Variants in RASGRP4 observed in about 807,000 individuals in gnomAD.
The protein encoded by RASGRP4 is RAS guanyl releasing protein 4.
Under a neutral mutation model 84.4 loss-of-function variants are expected in RASGRP4, and 52 were observed. That is an observed-to-expected ratio of 0.62 (90% CI 0.49 to 0.78). The LOEUF (loss-of-function observed/expected upper bound fraction) is 0.78. Among genes scored for constraint, RASGRP4 ranks in the 30% least tolerant of loss-of-function variants. The pLI is 0.00. For synonymous variants in RASGRP4, 356 were observed against 359.1 expected, an observed-to-expected ratio of 0.99 and a Z score of 0.10; for missense variants, 760 against 886.9, an observed-to-expected ratio of 0.86 and a Z score of 1.82.
At position 38,418,999 on chromosome 19, in the gene RASGRP4, A is replaced by T. The variant is rs12609246; in HGVS notation, c.664-435T>A. ...GGCTGGGGAAGATGAATTGAAATCA[A>T]CCTCTATCTGTTCTGCCCAAGGAGT... On this transcript the variant is annotated intron_variant, in intron 6 of 16. Coordinates refer to ENST00000615439, the MANE Select transcript of RASGRP4 (RefSeq NM_170604.3). The surrounding 1 kb of genome is among the most constrained non-coding windows in gnomAD (Gnocchi z 4.6). Among the ~76,000 whole-genome samples, 3 of 151,724 alleles carry T rather than the reference A, an allele frequency of 2.0e-5. No individual in the cohort carries two copies. Among genetic ancestry groups the T allele is most frequent in the African/African-American group, 7.3e-5 (3 of 41,274 alleles).
chr19:38,422,221 A>T, intron 1 of RASGRP4, 68 bp from the exon 2 acceptor site: 1 of 1,435,054 alleles, frequency 7.0e-7, no homozygotes. Flanking sequence ...ATTCCTTTTG[A>T]CTCTAATGCC....
rs1420624573 is a variant in RASGRP4, at chr19:38,412,350, G to A, written c.1680+322C>T. 9.4e-6 allele frequency: 3 copies of A among 318,224 alleles called. No individual in the cohort carries two copies. Among genetic ancestry groups the A allele is most frequent in the Non-Finnish European group, 1.8e-5 (3 of 169,394 alleles). 19.7% of individuals were successfully genotyped at this position (318,224 alleles called of 1,614,324 possible). A position where few individuals can be genotyped will look rare whatever the true frequency, so the allele number is the denominator to read the frequency against. On this transcript the variant is annotated intron_variant, in intron 13 of 16. Coordinates refer to ENST00000615439, the MANE Select transcript of RASGRP4 (RefSeq NM_170604.3). The surrounding 1 kb of genome is among the most constrained non-coding windows in gnomAD (Gnocchi z 4.6). Reference sequence around the variant, plus strand: ...TTCCCTAGGCTGGTCTTGAACTCTTGAGCTCAAGCAATCCGCCCACCTCAG... The same window carrying A: ...TTCCCTAGGCTGGTCTTGAACTCTTAAGCTCAAGCAATCCGCCCACCTCAG...
intron 4 of RASGRP4, among the ~76,000 whole-genome samples, chr19:38,420,637 G>A (rs77623627): frequency 0.014 from 2,171 of 150,960 alleles, 44 homozygotes; most frequent in African/African-American, 0.04. Flanking sequence ...AGAGATTTTG[G>A]GGATCAGAGT....
At chr19:38,414,797 A>G (rs2145206527) in intron 9 of RASGRP4, 51 bp downstream of exon 9, 2 of 1,517,780 alleles carry the variant, frequency 1.3e-6, no homozygotes, top group South Asian at 1.2e-5. Flanking sequence ...CCAGGACCCT[A>G]TATCTCAGTA....
intron 8 of RASGRP4, among the ~76,000 whole-genome samples, chr19:38,415,950 T>G (rs1971482187): frequency 1.3e-5 from 2 of 151,086 alleles, no homozygotes; most frequent in South Asian, 4.2e-4. Context: ...TCCCAGCTAC[T>G]CGGGAGTCTG....
chr19:38,414,857 G>T lies in RASGRP4; in HGVS notation c.1221C>A (p.His407Gln). The T allele has an allele frequency of 6.3e-7, 1 of 1,593,830 alleles. No individual in the cohort carries two copies. The highest frequency in any genetic ancestry group is 1.1e-5 in the South Asian group (1 of 88,314). The change falls in exon 9 of 17, where the codon CAC (histidine) becomes CAA (glutamine). Residue 407 changes from histidine (H) to glutamine (Q), a missense_variant. Physicochemically the swap from His to Gln is conservative, Grantham distance 24. Coordinates refer to ENST00000615439, the MANE Select transcript of RASGRP4 (RefSeq NM_170604.3). ...GGCCAGGGGGGCTCACCGTGAGCAG[G>T]TGCAGCAGATCCTCATTGGCGCTGC... ...PPCSANEDLL[H>Q]LLTLSLDLFY...
chr19:38,419,835 G>A lies in RASGRP4; in HGVS notation c.663+25C>T, dbSNP rs773251499. 1.9e-5 allele frequency: 30 copies of A among 1,562,866 alleles called. No homozygotes were observed. In the Admixed American group the frequency reaches 5.7e-4, roughly 30 times the overall value. The stretch of plus-strand genomic sequence containing the variant: ...CTACCCCAGTGTCTCCCCTGCTTGG[G>A]ACGGGGATGGGAGGGGGTCCTCACC... On this transcript the variant is annotated intron_variant, in intron 6 of 16. Coordinates refer to ENST00000615439, the MANE Select transcript of RASGRP4 (RefSeq NM_170604.3).
rs561461826 is a variant in RASGRP4 at position 38,426,199 on chromosome 19, C to G, written c.-108G>C. The G allele has an allele frequency of 1.9e-4, 170 of 916,550 alleles. No individual in the cohort carries two copies. The highest frequency in any genetic ancestry group is 2.3e-4 in the Non-Finnish European group (162 of 690,434). The allele number at this position is 916,550 out of a possible 1,614,324, so 56.8% of individuals were successfully genotyped here. ...AGCCCCTAGGGAGCTGGGGCCTCCT[C>G]GGTGCTTGGGAAGGAAAGAGGAACT... is the stretch of plus-strand genomic sequence containing the variant. On this transcript the variant is annotated 5_prime_UTR_variant, in exon 1 of 17. Transcript: ENST00000615439.
chr19:38,416,463 C>CAA (rs765219678), intron 8 of RASGRP4, among the ~76,000 whole-genome samples: 121 of 58,542 alleles, frequency 2.1e-3, no homozygotes, highest in Non-Finnish European at 3.3e-3. Flanking sequence ...GACTCTGTCT[C>CAA]AAAAAAAAAA....
chr19:38,413,379 G>C lies in RASGRP4; in HGVS notation c.1311+15C>G. ...AGGTAATTGGGGGAGTCCGAGGCCA[G>C]GGGTTGGGTCTCACCAGGCTCTTGG... On this transcript the variant is annotated intron_variant, in intron 10 of 16. Transcript: ENST00000615439. The surrounding 1 kb of genome is among the most constrained non-coding windows in gnomAD (Gnocchi z 4.7). 6.2e-7 allele frequency: 1 copy of C among 1,609,122 alleles called. No individual in the cohort carries two copies. Among genetic ancestry groups the C allele is most frequent in the Non-Finnish European group, 8.5e-7 (1 of 1,177,512 alleles).
At chr19:38,420,046 G>T in intron 5 of RASGRP4, 33 bp from the exon 6 acceptor site, 1 of 1,610,902 alleles carries the variant, frequency 6.2e-7, no homozygotes. Context: ...TATTGGAGTG[G>T]CTCACAGTTG....
At position 38,409,995 on chromosome 19, in the gene RASGRP4, C is replaced by T. The variant is rs1971154382; in HGVS notation, c.*45G>A. 8.4e-6 allele frequency: 13 copies of T among 1,546,746 alleles called. No individual in the cohort carries two copies. In the East Asian group the frequency reaches 3.1e-4, roughly 36 times the overall value. On this transcript the variant is annotated 3_prime_UTR_variant, in exon 17 of 17. Coordinates refer to ENST00000615439, the MANE Select transcript of RASGRP4 (RefSeq NM_170604.3). ...CAGAGTCTGACGGCAGGACTCAGGACTGACTGGGGGAAGGGAGTGAGGAAG... is the reference window on the plus strand; with the variant it reads ...CAGAGTCTGACGGCAGGACTCAGGATTGACTGGGGGAAGGGAGTGAGGAAG...
chr19:38,411,398 G>A lies in RASGRP4; in HGVS notation c.1681-17C>T, dbSNP rs750541169. 1 of 1,542,402 alleles carries A rather than the reference G, an allele frequency of 6.5e-7. No homozygotes were observed. On this transcript the variant is annotated splice_polypyrimidine_tract_variant and intron_variant, in intron 13 of 16. Transcript: ENST00000615439. ...ACCCCAGAGCTGGGAAGAGAAAGGA[G>A]AAAAGGTTACCCATCCTAGGAGAGG...
At chr19:38,420,886 G>A in intron 4 of RASGRP4, 22 bp downstream of exon 4, 4 of 1,610,544 alleles carry the variant, frequency 2.5e-6, no homozygotes, top group Non-Finnish European at 3.4e-6. Context: ...TCCTGAGAGT[G>A]GGGATCTCGG....
rs1017344173 is a variant in RASGRP4, at chr19:38,409,948, G to A, written c.*92C>T. On this transcript the variant is annotated 3_prime_UTR_variant, in exon 17 of 17. Transcript: ENST00000615439. ...GGATGGGAAGGCGGATGCCTCTGGAGGCCTACCTCTGGGAGCCCTGCCAGA... is the reference window on the plus strand; with the variant it reads ...GGATGGGAAGGCGGATGCCTCTGGAAGCCTACCTCTGGGAGCCCTGCCAGA... The A allele has an allele frequency of 1.0e-5, 10 of 974,822 alleles. No individual in the cohort carries two copies. The highest frequency in any genetic ancestry group is 9.4e-5 in the Admixed American group (4 of 42,776). 60.4% of individuals were successfully genotyped at this position (974,822 alleles called of 1,614,324 possible).
In RASGRP4 at chr19:38,419,951, C is replaced by T. The variant is rs1174018700; in HGVS notation, c.572G>A (p.Arg191His). Residue 191 changes from arginine to histidine, a missense_variant, in exon 6 of 17, where the codon CGC becomes CAC. Coordinates refer to ENST00000615439, the MANE Select transcript of RASGRP4 (RefSeq NM_170604.3). ...GTGGTCGAAAAGCAAGGACACTTTG[C>T]GCTTTTTGCCCAGGCCTGGGCTGCT... ...PMSSPGLGKK[R>H]KVSLLFDHLE... 24 of 1,613,892 alleles carry T rather than the reference C, an allele frequency of 1.5e-5. No individual in the cohort carries two copies. Among genetic ancestry groups the T allele is most frequent in the East Asian group, 2.2e-5 (1 of 44,878 alleles).
chr19:38,425,767 C>G (rs1161238287), intron 1 of RASGRP4, among the ~76,000 whole-genome samples: 1 of 152,086 alleles, frequency 6.6e-6, no homozygotes, highest in Non-Finnish European at 1.5e-5. Context: ...GGATGGGGAA[C>G]CAGGAAGCCC....
At chr19:38,420,791 G>C (rs1341052264) in intron 4 of RASGRP4, 117 bp downstream of exon 4, 5 of 1,023,058 alleles carry the variant, frequency 4.9e-6, no homozygotes, top group Non-Finnish European at 6.1e-6. Flanking sequence ...ATTTTGGCCT[G>C]TGGGGCTGGT....
rs867529775 is a variant in RASGRP4 at position 38,412,493 on chromosome 19, G to A, written c.1680+179C>T. 1 of 640,946 alleles carries A rather than the reference G, an allele frequency of 1.6e-6. No individual in the cohort carries two copies. The highest frequency in any genetic ancestry group is 2.8e-5 in the East Asian group (1 of 35,626). 39.7% of individuals were successfully genotyped at this position (640,946 alleles called of 1,614,324 possible). ...GGGTGGACATTATCTGGGATTTTGG[G>A]ATTATCTGGCATTTGGAGATTATCC... On this transcript the variant is annotated intron_variant, in intron 13 of 16. Coordinates refer to ENST00000615439, the MANE Select transcript of RASGRP4 (RefSeq NM_170604.3). This position sits in a 1 kb window ranked among gnomAD's most constrained non-coding sequence, Gnocchi z 4.6.
Sources: allele counts gnomAD v4.1 joint callset (sites outside exome capture counted in the v4.1 genomes callset), GRCh38; gene constraint gnomAD v4.1.1; non-coding constraint Gnocchi (gnomAD v3.1); transcripts MANE v1.5; gene names NCBI Gene and HGNC (gene_info 2026-07-23, HGNC 2026-07-21).